The following ADGRL3 variants were observed in gnomAD, a reference collection of about 807,000 sequenced individuals.
ADGRL3 encodes the protein adhesion G protein-coupled receptor L3, also known as calcium-independent alpha-latrotoxin receptor 3.
A neutral mutation model predicts 153.5 loss-of-function variants in ADGRL3; 62 were observed. That is an observed-to-expected ratio of 0.40 (90% CI 0.33 to 0.50). ADGRL3 has a LOEUF of 0.50. Among genes scored for constraint, ADGRL3 ranks in the 20% least tolerant of loss-of-function variants. The probability of loss-of-function intolerance (pLI) is 0.47; values close to 1 mark genes in which losing one functional copy is unlikely to be tolerated. For missense variants in ADGRL3, 1,641 were observed against 1,859.4 expected, an observed-to-expected ratio of 0.88 and a Z score of 2.16; for synonymous variants, 710 against 672.5, an observed-to-expected ratio of 1.06 and a Z score of -0.86.
At chr4:61,725,064 T>C (rs986674606) in intron 6 of ADGRL3, among the ~76,000 whole-genome samples, 3 of 152,172 alleles carry the variant, frequency 2.0e-5, no homozygotes, top group African/African-American at 7.2e-5. Context: ...GAAAATACCA[T>C]AGTGCCATTT....
intron 9 of ADGRL3, among the ~76,000 whole-genome samples, chr4:61,832,812 C>CTT (rs11340246): frequency 2.2e-5 from 3 of 137,064 alleles, no homozygotes; most frequent in Non-Finnish European, 4.8e-5. Context: ...TTTTCTTTTT[C>CTT]TTTTTTTTTT....
chr4:61,477,079 G>C (rs528134182), intron 2 of ADGRL3, among the ~76,000 whole-genome samples: 1 of 151,768 alleles, frequency 6.6e-6, no homozygotes, highest in Admixed American at 6.6e-5. Flanking sequence ...TATCTGATAC[G>C]TAATTTAAAA....
intron 17 of ADGRL3, among the ~76,000 whole-genome samples, chr4:61,978,912 C>A (rs2099057665): frequency 6.6e-6 from 1 of 152,126 alleles, no homozygotes; most frequent in Admixed American, 6.5e-5. Flanking sequence ...TTGCTGATGT[C>A]TTTAAGCTAT....
intron 9 of ADGRL3, among the ~76,000 whole-genome samples, chr4:61,814,203 G>A (rs776915247): frequency 2.0e-5 from 3 of 151,036 alleles, no homozygotes; most frequent in Non-Finnish European, 4.4e-5. Flanking sequence ...TTTTTTACTG[G>A]GACCTTCTTT....
intron 9 of ADGRL3, among the ~76,000 whole-genome samples, chr4:61,821,358 T>C (rs2097754915): frequency 1.3e-5 from 2 of 151,500 alleles, no homozygotes; most frequent in Non-Finnish European, 2.9e-5. Flanking sequence ...TATTTATTTG[T>C]TTATTTATTT....
At chr4:61,764,306 T>C (rs145735032) in intron 8 of ADGRL3, among the ~76,000 whole-genome samples, 13,075 of 151,810 alleles carry the variant, frequency 0.086, 1,182 homozygotes, top group African/African-American at 0.23. Context: ...CGGGCTGAGT[T>C]CGAAAAGAGA....
At chr4:61,995,486 GAT>G (rs1330427672) in intron 19 of ADGRL3, among the ~76,000 whole-genome samples, 1 of 151,978 alleles carries the variant, frequency 6.6e-6, no homozygotes, top group African/African-American at 2.4e-5. Context: ...ATTTTCTTCT[GAT>G]GCCTCAATTA....
At chr4:61,768,212 T>A (rs1412102267) in intron 8 of ADGRL3, among the ~76,000 whole-genome samples, 2 of 151,936 alleles carry the variant, frequency 1.3e-5, no homozygotes, top group East Asian at 1.9e-4. Context: ...GCTGGGCAGG[T>A]CGGGGAGGGC....
At chr4:61,421,889 A>C (rs996737628) in intron 2 of ADGRL3, among the ~76,000 whole-genome samples, 4 of 152,076 alleles carry the variant, frequency 2.6e-5, no homozygotes, top group Non-Finnish European at 5.9e-5. Context: ...ACTTTTCTTC[A>C]TTCATTATTA....
intron 1 of ADGRL3, among the ~76,000 whole-genome samples, chr4:61,368,353 G>A (rs918965316): frequency 1.3e-5 from 2 of 152,080 alleles, no homozygotes; most frequent in African/African-American, 4.8e-5. Flanking sequence ...GGGTTTTTAT[G>A]GTTTTAGGTT....
intron 2 of ADGRL3, among the ~76,000 whole-genome samples, chr4:61,403,399 G>T (rs569748076): frequency 6.6e-6 from 1 of 152,066 alleles, no homozygotes; most frequent in South Asian, 2.1e-4. Context: ...GCCACCATTT[G>T]CTCATGATTT....
At chr4:61,415,601 T>G (rs2097135887) in intron 2 of ADGRL3, among the ~76,000 whole-genome samples, 1 of 152,096 alleles carries the variant, frequency 6.6e-6, no homozygotes, top group Non-Finnish European at 1.5e-5. Context: ...CTAAGTTAAT[T>G]TATGTTAACT....
At chr4:62,018,651 A>G (rs537644763) in intron 21 of ADGRL3, among the ~76,000 whole-genome samples, 1 of 152,280 alleles carries the variant, frequency 6.6e-6, no homozygotes, top group Non-Finnish European at 1.5e-5. Flanking sequence ...GCAGACAAGT[A>G]GGAGCCCAGC....
intron 1 of ADGRL3, among the ~76,000 whole-genome samples, chr4:61,241,346 T>A (rs1398496997): frequency 6.6e-6 from 1 of 151,978 alleles, no homozygotes; most frequent in Non-Finnish European, 1.5e-5. Context: ...CAATATAAAT[T>A]CCAGAAGATC....
intron 6 of ADGRL3, chr4:61,677,225 G>T (rs575466372): frequency 3.0e-6 from 1 of 329,356 alleles, no homozygotes; most frequent in Middle Eastern, 4.8e-4. Context: ...GGTTGGGGGA[G>T]TGTTATACCA....
At chr4:61,723,538 G>A (rs975006798) in intron 6 of ADGRL3, among the ~76,000 whole-genome samples, 3 of 152,100 alleles carry the variant, frequency 2.0e-5, no homozygotes, top group African/African-American at 7.2e-5. Context: ...TTTGCATAGG[G>A]CCCAGGGGAT....
intron 2 of ADGRL3, among the ~76,000 whole-genome samples, chr4:61,448,866 GAAGGAAGGA>G (rs2097634875): frequency 1.2e-4 from 2 of 16,552 alleles, no homozygotes; most frequent in Admixed American, 1.4e-3. Context: ...GGGAGGGAAG[GAAGGAAGGA>G]AAGGAAGGAA....
chr4:61,741,385 A>G (rs553844745), intron 8 of ADGRL3, among the ~76,000 whole-genome samples: 2 of 152,356 alleles, frequency 1.3e-5, no homozygotes, highest in African/African-American at 2.4e-5. Flanking sequence ...AAAAATAGTC[A>G]GCAACTTGTT....
chr4:61,293,831 C>G (rs1041677017), intron 1 of ADGRL3, among the ~76,000 whole-genome samples: 1 of 152,120 alleles, frequency 6.6e-6, no homozygotes, highest in African/African-American at 2.4e-5. Flanking sequence ...TCTGACCTTC[C>G]TAATTATGTT....
Sources: allele counts gnomAD v4.1 joint callset (sites outside exome capture counted in the v4.1 genomes callset), GRCh38; gene constraint gnomAD v4.1.1; transcripts MANE v1.5; gene names NCBI Gene and HGNC (gene_info 2026-07-23, HGNC 2026-07-21).